Variants in CNBD2 observed in about 807,000 individuals in gnomAD.
CNBD2 encodes cyclic nucleotide-binding domain-containing protein 2.
CNBD2 carries 64 observed loss-of-function variants against 63.7 expected under a neutral mutation model. The observed-to-expected ratio is 1.00, with a 90% CI of 0.82 to 1.24. CNBD2 has a LOEUF of 1.24. Among genes scored for constraint, CNBD2 ranks in the 50% most tolerant of loss-of-function variants. CNBD2 has a pLI of 0.00. For synonymous variants in CNBD2, 229 were observed against 255.4 expected, an observed-to-expected ratio of 0.90 and a Z score of 0.99; for missense variants, 691 against 713.5, an observed-to-expected ratio of 0.97 and a Z score of 0.36.
chr20:36,022,239 G>A (rs1407544266), intron 10 of CNBD2, among the ~76,000 whole-genome samples: 1 of 121,980 alleles, frequency 8.2e-6, no homozygotes, highest in Admixed American at 1.1e-4. Context: ...TCGCTCTGTC[G>A]TCAGGCTGGA....
chr20:36,026,790 C>G (rs1488754624), intron 11 of CNBD2, among the ~76,000 whole-genome samples: 1 of 152,170 alleles, frequency 6.6e-6, no homozygotes, highest in East Asian at 1.9e-4. Context: ...ATAAGTACCC[C>G]CTTTCTGCAC....
intron 1 of CNBD2, among the ~76,000 whole-genome samples, chr20:35,971,246 C>G (rs1008408383): frequency 6.6e-6 from 1 of 152,118 alleles, no homozygotes; most frequent in African/African-American, 2.4e-5. Context: ...CGGGCCCAGC[C>G]TGGCTTTATG....
intron 8 of CNBD2, among the ~76,000 whole-genome samples, chr20:36,005,100 T>C (rs1274370704): frequency 1.3e-5 from 2 of 152,218 alleles, no homozygotes; most frequent in Non-Finnish European, 2.9e-5. Flanking sequence ...GATTTCCTGG[T>C]GTGTTTGTCT....
At chr20:35,992,381 G>A (rs944970949) in intron 7 of CNBD2, among the ~76,000 whole-genome samples, 3 of 152,148 alleles carry the variant, frequency 2.0e-5, no homozygotes, top group African/African-American at 4.8e-5. Context: ...TGCTTCCTGA[G>A]GGAGGAATTC....
chr20:35,973,776 T>C (rs991082480), intron 2 of CNBD2: 4 of 152,190 alleles, frequency 2.6e-5, no homozygotes, highest in Admixed American at 2.0e-4. Context: ...TGGTAGATCA[T>C]GTGCCCTTCT....
At chr20:35,961,975 G>A (rs2056311941) in intron 2 of CNBD2, among the ~76,000 whole-genome samples, 1 of 152,168 alleles carries the variant, frequency 6.6e-6, no homozygotes, top group Non-Finnish European at 1.5e-5. Flanking sequence ...ATGTTCTACT[G>A]AAGGTGTTGT....
intron 11 of CNBD2, among the ~76,000 whole-genome samples, chr20:36,029,320 G>A (rs1403339359): frequency 6.9e-5 from 10 of 144,750 alleles, no homozygotes; most frequent in Admixed American, 2.0e-4. Context: ...TTGACACATG[G>A]TAAGTTCTAA....
chr20:35,996,508 G>GTTTTTTTTTTT (rs1275063891), intron 8 of CNBD2, among the ~76,000 whole-genome samples: 1 of 132,200 alleles, frequency 7.6e-6, no homozygotes, highest in Non-Finnish European at 1.6e-5. Context: ...CTCTCTTTTT[G>GTTTTTTTTTTT]TTTTTTTTTT....
intron 7 of CNBD2, among the ~76,000 whole-genome samples, chr20:35,992,542 T>C (rs915387801): frequency 1.2e-4 from 18 of 152,180 alleles, no homozygotes; most frequent in African/African-American, 4.1e-4. Flanking sequence ...GCCTTCATTC[T>C]GAGAAAAATA....
intron 8 of CNBD2, among the ~76,000 whole-genome samples, chr20:36,006,971 T>C (rs2056993135): frequency 6.6e-6 from 1 of 152,104 alleles, no homozygotes; most frequent in East Asian, 1.9e-4. Context: ...AGGTGGCTCA[T>C]GAGGTCAGGA....
intron 2 of CNBD2, among the ~76,000 whole-genome samples, chr20:35,975,472 T>G (rs1371003162): frequency 6.4e-5 from 8 of 124,694 alleles, no homozygotes; most frequent in African/African-American, 2.1e-4. Flanking sequence ...GGCTAATTTT[T>G]TGTATTTTTA....
At chr20:35,987,020 C>A (rs979420680) in intron 6 of CNBD2, among the ~76,000 whole-genome samples, 2 of 152,146 alleles carry the variant, frequency 1.3e-5, no homozygotes, top group African/African-American at 4.8e-5. Context: ...GGGGACAGAG[C>A]AGCTGTGAGC....
At chr20:35,970,936 AT>A (rs904911902) in intron 1 of CNBD2, among the ~76,000 whole-genome samples, 4 of 136,514 alleles carry the variant, frequency 2.9e-5, no homozygotes, top group Non-Finnish European at 6.3e-5. Context: ...TAGTTTTTGC[AT>A]TTTTTTCTTT....
At chr20:35,993,878 T>A (rs1003869139) in intron 7 of CNBD2, among the ~76,000 whole-genome samples, 2 of 147,828 alleles carry the variant, frequency 1.4e-5, no homozygotes, top group African/African-American at 2.5e-5. Context: ...TTTTTTTTTT[T>A]TTTTTTTTTT....
At chr20:35,982,235 C>T (rs2056607507) in intron 4 of CNBD2, among the ~76,000 whole-genome samples, 4 of 152,072 alleles carry the variant, frequency 2.6e-5, no homozygotes, top group Non-Finnish European at 5.9e-5. Context: ...GCCCTGCTAT[C>T]GGGGCACTTC....
rs146426110 is a variant in CNBD2, at chr20:36,004,788, C to G, written c.971-3509C>G. Among the ~76,000 whole-genome samples the G allele has an allele frequency of 3.5e-3, 526 of 152,170 alleles. 3 individuals carry two copies. The highest frequency in any genetic ancestry group is 5.7e-3 in the Non-Finnish European group (387 of 68,004). Reference sequence around the variant, plus strand: ...ATGTTGCTCAGGCTGGTCTTGAACTCCTGGCCTCAAGGGATCTTCCCACCT... The same window carrying G: ...ATGTTGCTCAGGCTGGTCTTGAACTGCTGGCCTCAAGGGATCTTCCCACCT... On this transcript the variant is annotated intron_variant, in intron 8 of 11. Coordinates refer to ENST00000373973, the MANE Select transcript of CNBD2 (RefSeq NM_001365709.1).
intron 4 of CNBD2, among the ~76,000 whole-genome samples, 184 bp downstream of exon 4, chr20:35,980,806 T>C (rs887436060): frequency 3.3e-5 from 5 of 152,156 alleles, no homozygotes; most frequent in African/African-American, 9.7e-5. Context: ...CGCTCACTTA[T>C]TGAGACTCTT....
chr20:35,996,731 C>G (rs2056831071), intron 8 of CNBD2, among the ~76,000 whole-genome samples: 1 of 152,062 alleles, frequency 6.6e-6, no homozygotes, highest in Admixed American at 6.6e-5. Context: ...TGGTCTCGAA[C>G]TCCTGACCTT....
chr20:36,012,088 T>G (rs1467005738), intron 10 of CNBD2, among the ~76,000 whole-genome samples: 1 of 151,694 alleles, frequency 6.6e-6, no homozygotes, highest in Non-Finnish European at 1.5e-5. Context: ...TCACTTGAGG[T>G]CAGGAGTTCA....
Sources: allele counts gnomAD v4.1 joint callset (sites outside exome capture counted in the v4.1 genomes callset), GRCh38; gene constraint gnomAD v4.1.1; transcripts MANE v1.5; gene names NCBI Gene and HGNC (gene_info 2026-07-23, HGNC 2026-07-21).